Variants in GUCA1C observed in about 807,000 individuals in gnomAD.
GUCA1C encodes guanylyl cyclase-activating protein 3.
A neutral mutation model predicts 16.2 loss-of-function variants in GUCA1C; 15 were observed. The observed-to-expected ratio is 0.93, with a 90% CI of 0.62 to 1.43. The LOEUF is 1.43. Ranked by LOEUF, GUCA1C falls within the 40% of genes most tolerant of loss-of-function variation. The probability of loss-of-function intolerance (pLI) is 0.00; values close to 1 mark genes in which losing one functional copy is unlikely to be tolerated. For missense variants in GUCA1C, 275 were observed against 244.8 expected, an observed-to-expected ratio of 1.12 and a Z score of -0.82; for synonymous variants, 78 against 85.4, an observed-to-expected ratio of 0.91 and a Z score of 0.48.
chr3:108,918,227 T>C (rs1946537141), intron 2 of GUCA1C, among the ~76,000 whole-genome samples: 1 of 152,114 alleles, frequency 6.6e-6, no homozygotes, highest in African/African-American at 2.4e-5. Flanking sequence ...TCTCCAGACA[T>C]TGTGAAATGT....
intron 3 of GUCA1C, among the ~76,000 whole-genome samples, chr3:108,910,807 A>G (rs942131391): frequency 8.6e-5 from 13 of 150,744 alleles, no homozygotes; most frequent in African/African-American, 2.9e-4. Context: ...CCACCACCAC[A>G]CCTGGCTAAT....
Position 108,920,565 on chromosome 3 carries a change from CA to C in GUCA1C, c.224del (p.Leu75TrpfsTer7). The C allele has an allele frequency of 6.6e-7, 1 of 1,511,484 alleles. No homozygotes were observed. Among genetic ancestry groups the C allele is most frequent in the Non-Finnish European group, 9.2e-7 (1 of 1,087,536 alleles). The allele number at this position is 1,511,484 out of a possible 1,614,324, so 93.6% of individuals were successfully genotyped here. A position where few individuals can be genotyped will look rare whatever the true frequency, so the allele number is the denominator to read the frequency against. On this transcript the variant is annotated frameshift_variant, in exon 2 of 4. Transcript: ENST00000261047. LOFTEE classifies it high-confidence loss of function. ...DTNKDGFVDF[L>X]EFIAAVNLIM... ...TTAGATTTACAGCAGCAATAAACTC[CA>C]AAAAGTCAACAAATCCATCCTATGG...
intron 1 of GUCA1C, among the ~76,000 whole-genome samples, chr3:108,949,657 T>C (rs1040226326): frequency 9.2e-5 from 14 of 152,200 alleles, no homozygotes; most frequent in African/African-American, 3.4e-4. Context: ...CCATTACCAT[T>C]GTGACGGTTG....
At chr3:108,915,978 C>T (rs1462661464) in intron 3 of GUCA1C, 149 bp downstream of exon 3, 3 of 777,440 alleles carry the variant, frequency 3.9e-6, no homozygotes, top group South Asian at 3.8e-5. Flanking sequence ...TTGAATCATA[C>T]TGAGAACATT....
rs140784316 is a variant in GUCA1C, at chr3:108,908,051, C to T, written c.601G>A (p.Ala201Thr). ...ETDSSKSPDK[A>T]GLGKVKMK ...TTCATTTTCACCTTCCCTAGACCAGCCTTGTCAGGAGATTTGGAGGAGTCT... is the reference window on the plus strand; with the variant it reads ...TTCATTTTCACCTTCCCTAGACCAGTCTTGTCAGGAGATTTGGAGGAGTCT... Residue 201 changes from alanine (A) to threonine (T), a missense_variant, in exon 4 of 4, where the codon GCT becomes ACT. Physicochemically the swap from Ala to Thr is moderately conservative, Grantham distance 58. Transcript: ENST00000261047. 3.4e-5 allele frequency: 55 copies of T among 1,613,684 alleles called. No homozygotes were observed. The highest frequency in any genetic ancestry group is 4.2e-5 in the Non-Finnish European group (50 of 1,179,824).
intron 3 of GUCA1C, among the ~76,000 whole-genome samples, chr3:108,912,711 C>CAAA (rs10664351): frequency 0.13 from 19,207 of 143,384 alleles, 1,436 homozygotes; most frequent in East Asian, 0.2. Context: ...TTGTTAATTT[C>CAAA]AAAAAAAAAA....
At chr3:108,924,700 G>A (rs375536871) in intron 1 of GUCA1C, among the ~76,000 whole-genome samples, 151 of 152,158 alleles carry the variant, frequency 9.9e-4, no homozygotes, top group African/African-American at 3.5e-3. Flanking sequence ...TTTTGGAGTG[G>A]TGTCAATAGG....
chr3:108,935,744 C>T (rs1007990991), intron 1 of GUCA1C, among the ~76,000 whole-genome samples: 2 of 151,768 alleles, frequency 1.3e-5, no homozygotes, highest in East Asian at 1.9e-4. Context: ...TATGTATGTA[C>T]GAATATATGG....
chr3:108,917,929 T>C (rs1300991135), intron 2 of GUCA1C, among the ~76,000 whole-genome samples: 4 of 152,016 alleles, frequency 2.6e-5, no homozygotes, highest in South Asian at 2.1e-4. Flanking sequence ...CCTGTAATCC[T>C]AGCTACTCAG....
chr3:108,936,146 T>C (rs890201057), intron 1 of GUCA1C, among the ~76,000 whole-genome samples: 2 of 152,042 alleles, frequency 1.3e-5, no homozygotes, highest in Non-Finnish European at 2.9e-5. Flanking sequence ...GCACCTGTAG[T>C]CCCAGCTATT....
In GUCA1C at chr3:108,917,827, C is replaced by T. The variant is rs928519485; in HGVS notation, c.355-1613G>A. Reference sequence around the variant, plus strand: ...TTGGGAGGCTGAGGTGGGCGGATCACGAGGTCAGGAGTTCATAGACCAGCC... The same window carrying T: ...TTGGGAGGCTGAGGTGGGCGGATCATGAGGTCAGGAGTTCATAGACCAGCC... On this transcript the variant is annotated intron_variant, in intron 2 of 3. Coordinates refer to ENST00000261047, the MANE Select transcript of GUCA1C (RefSeq NM_005459.4). 9.9e-5 allele frequency among the ~76,000 whole-genome samples: 15 copies of T among 152,174 alleles called. No individual in the cohort carries two copies. The East Asian group carries it at 2.9e-3, about 29-fold the overall frequency.
At position 108,949,087 on chromosome 3, in the gene GUCA1C, A is replaced by T. The variant is rs373702811; in HGVS notation, c.204+4472T>A. Among the ~76,000 whole-genome samples the T allele has an allele frequency of 7.2e-5, 11 of 152,176 alleles. No homozygotes were observed. In the East Asian group the frequency reaches 7.7e-4, roughly 11 times the overall value. Reference sequence around the variant, plus strand: ...GGTCTCGAACTCCTGACCTCAAGTGATTTGCCTGCCTCGGCCTCCCAAAGT... The same window carrying T: ...GGTCTCGAACTCCTGACCTCAAGTGTTTTGCCTGCCTCGGCCTCCCAAAGT... On this transcript the variant is annotated intron_variant, in intron 1 of 3. Transcript: ENST00000261047.
At chr3:108,926,654 G>A (rs923593245) in intron 1 of GUCA1C, among the ~76,000 whole-genome samples, 3 of 151,972 alleles carry the variant, frequency 2.0e-5, no homozygotes, top group Admixed American at 2.0e-4. Flanking sequence ...CTAATTTTTT[G>A]TATTTTTAGT....
At chr3:108,915,967 A>G in intron 3 of GUCA1C, 160 bp downstream of exon 3, 1 of 706,756 alleles carries the variant, frequency 1.4e-6, no homozygotes, top group Admixed American at 3.3e-5. Context: ...TATTTACTCA[A>G]TTGAATCATA....
At chr3:108,935,262 T>C (rs996613681) in intron 1 of GUCA1C, among the ~76,000 whole-genome samples, 4 of 151,718 alleles carry the variant, frequency 2.6e-5, no homozygotes, top group Admixed American at 6.6e-5. Context: ...ACTATCCGGA[T>C]GATGGGATCA....
rs1397437385 is a variant in GUCA1C at position 108,907,833 on chromosome 3, GA to G, written c.*188del. ...TGTTTTAATCTGCAGAGACAGCACA[GA>G]AAAGCAACAATGCATCTGTTTAGGA... On this transcript the variant is annotated 3_prime_UTR_variant, in exon 4 of 4. Transcript: ENST00000261047. 1.8e-6 allele frequency: 1 copy of G among 545,680 alleles called. No homozygotes were observed. Among genetic ancestry groups the G allele is most frequent in the African/African-American group, 1.9e-5 (1 of 52,606 alleles). 33.8% of individuals were successfully genotyped at this position (545,680 alleles called of 1,614,324 possible).
At chr3:108,908,293 A>G in intron 3 of GUCA1C, 84 bp from the exon 4 acceptor site, 1 of 691,978 alleles carries the variant, frequency 1.4e-6, no homozygotes, top group Non-Finnish European at 2.3e-6. Flanking sequence ...ATGTTTATTG[A>G]TATTCTTTTG....
intron 1 of GUCA1C, among the ~76,000 whole-genome samples, chr3:108,944,811 A>T (rs943076920): frequency 1.3e-5 from 2 of 152,226 alleles, no homozygotes; most frequent in Admixed American, 1.3e-4. Flanking sequence ...TGCCCGTTCT[A>T]GGGAAATGTG....
chr3:108,936,689 G>A (rs1946730900), intron 1 of GUCA1C, among the ~76,000 whole-genome samples: 1 of 152,202 alleles, frequency 6.6e-6, no homozygotes. Context: ...GGATTCCTGT[G>A]TGTGAGCTAC....
Sources: gnomAD v4.1 joint callset for allele counts (sites outside exome capture counted in the v4.1 genomes callset) on GRCh38, gnomAD v4.1.1 for gene constraint, MANE v1.5 for transcripts, NCBI Gene and HGNC (gene_info 2026-07-23, HGNC 2026-07-21) for gene names.